RAPGEF2: variants seen among roughly 807,000 people sequenced by gnomAD.
RAPGEF2 encodes the protein PDZ domain containing guanine nucleotide exchange factor (GEF) 1.
A neutral mutation model predicts 186.7 loss-of-function variants in RAPGEF2; 54 were observed. The ratio of observed to expected loss-of-function variants is 0.29; its 90% CI spans 0.23 to 0.36. The LOEUF (loss-of-function observed/expected upper bound fraction) is 0.36. Ranked by LOEUF, RAPGEF2 falls within the 10% of genes least tolerant of loss-of-function variation. The pLI is 1.00. For synonymous variants in RAPGEF2, 712 were observed against 705.9 expected (o/e 1.01, Z -0.14); for missense variants, 1,532 against 2,045.0 (o/e 0.75, Z 4.84).
intron 1 of RAPGEF2, among the ~76,000 whole-genome samples, chr4:159,112,015 A>G (rs1738549267): frequency 1.3e-5 from 2 of 152,230 alleles, no homozygotes; most frequent in South Asian, 2.1e-4. Context: ...GGGGATCACT[A>G]ATCTGTTCCA....
Position 159,343,072 on chromosome 4 carries a change from G to A in RAPGEF2, c.3012G>A (p.Leu1004=). 6.2e-7 allele frequency: 1 copy of A among 1,614,044 alleles called. No individual in the cohort carries two copies. Among genetic ancestry groups the A allele is most frequent in the Non-Finnish European group, 8.5e-7 (1 of 1,179,960 alleles). The part of the protein sequence containing the change: ...YEKLFQDLQD[L]FDPSRNMAKY... ...AACTATTTCAAGATCTCCAAGACCT[G>A]TTTGATCCTTCCAGAAACATGGCAA... is the stretch of plus-strand genomic sequence containing the variant. Residue 1004 remains leucine (L), a synonymous_variant, in exon 21 of 30, where the codon CTG becomes CTA. Transcript: ENST00000691494.
intron 1 of RAPGEF2, among the ~76,000 whole-genome samples, chr4:159,179,330 T>A (rs1480337765): frequency 7.4e-6 from 1 of 135,396 alleles, no homozygotes; most frequent in Non-Finnish European, 1.7e-5. Context: ...AAATGGAAAT[T>A]GAGACACTCT....
chr4:159,280,383 C>T (rs1025667248), intron 7 of RAPGEF2, among the ~76,000 whole-genome samples: 2 of 152,170 alleles, frequency 1.3e-5, no homozygotes, highest in Non-Finnish European at 2.9e-5. Context: ...CTAGCCACAA[C>T]GGAGCACCCT....
intron 7 of RAPGEF2, among the ~76,000 whole-genome samples, chr4:159,253,942 C>CA (rs1020795049): frequency 3.1e-4 from 46 of 149,326 alleles, no homozygotes; most frequent in South Asian, 6.3e-4. Flanking sequence ...GACTCCGTCT[C>CA]AAAAAAAAAG....
At chr4:159,215,069 G>A (rs192870690) in intron 4 of RAPGEF2, among the ~76,000 whole-genome samples, 27 of 152,258 alleles carry the variant, frequency 1.8e-4, no homozygotes, top group African/African-American at 5.8e-4. Context: ...CACCTTGTTG[G>A]CCAGGCTGCT....
intron 1 of RAPGEF2, among the ~76,000 whole-genome samples, chr4:159,141,187 T>C (rs868564597): frequency 6.6e-6 from 1 of 152,238 alleles, no homozygotes; most frequent in Non-Finnish European, 1.5e-5. Context: ...TGTATACCAC[T>C]GTTCCAAATT....
chr4:159,351,115 T>C, intron 26 of RAPGEF2: 2 of 1,535,226 alleles, frequency 1.3e-6, no homozygotes, highest in Non-Finnish European at 1.7e-6. Context: ...CTTAACCAGT[T>C]CCTCCTCTTC....
chr4:159,110,414 C>CCTGTCTCTA (rs1475697747), intron 1 of RAPGEF2, among the ~76,000 whole-genome samples: 1 of 152,028 alleles, frequency 6.6e-6, no homozygotes, highest in African/African-American at 2.4e-5. Flanking sequence ...ATAGTGAAAC[C>CCTGTCTCTA]CTATCTCTAC....
intron 1 of RAPGEF2, among the ~76,000 whole-genome samples, chr4:159,111,986 A>C (rs1738545450): frequency 4.6e-5 from 7 of 151,510 alleles, no homozygotes. Context: ...AGCCACAGTC[A>C]CTCCCCCACC....
At chr4:159,323,914 T>C (rs1396678985) in intron 11 of RAPGEF2, among the ~76,000 whole-genome samples, 1 of 150,988 alleles carries the variant, frequency 6.6e-6, no homozygotes, top group Non-Finnish European at 1.5e-5. Flanking sequence ...GGCTTTTTTT[T>C]TTTTGAGACA....
intron 7 of RAPGEF2, among the ~76,000 whole-genome samples, chr4:159,289,211 A>G (rs1243634663): frequency 1.3e-5 from 2 of 152,152 alleles, no homozygotes; most frequent in Non-Finnish European, 2.9e-5. Context: ...GGCTTGTTAC[A>G]GGATGTCAGT....
chr4:159,141,403 T>C (rs1006192606), intron 1 of RAPGEF2, among the ~76,000 whole-genome samples: 1 of 152,298 alleles, frequency 6.6e-6, no homozygotes, highest in Non-Finnish European at 1.5e-5. Context: ...GGATACCTCA[T>C]TATTTATCTT....
At chr4:159,227,066 TA>T (rs1365300605) in intron 4 of RAPGEF2, among the ~76,000 whole-genome samples, 2 of 152,208 alleles carry the variant, frequency 1.3e-5, no homozygotes, top group African/African-American at 4.8e-5. Context: ...AAGAAATACT[TA>T]CCATTTCAAC....
intron 25 of RAPGEF2, among the ~76,000 whole-genome samples, chr4:159,348,242 A>AGATAGATAGATGGATGGATGGATGGATG (rs544061786): frequency 9.0e-5 from 13 of 144,954 alleles, no homozygotes; most frequent in African/African-American, 3.6e-4. Context: ...ATAGATAGAT[A>AGATAGATAGATGGATGGATGGATGGATG]GATGGATGGA....
rs575492956 is a variant in RAPGEF2, at chr4:159,337,629, C to T, written c.2136-682C>T. 1.4e-4 allele frequency among the ~76,000 whole-genome samples: 21 copies of T among 151,974 alleles called. 1 individual carries two copies. The highest frequency in any genetic ancestry group is 5.1e-4 in the African/African-American group (21 of 41,476). On this transcript the variant is annotated intron_variant, in intron 17 of 29. Transcript: ENST00000691494. ...GTTTGGCCGGGCGTGGTGGCTCACG[C>T]CTGTAATCCTAGCACTTTGGGAGGC...
chr4:159,220,419 T>C (rs2111401357), intron 4 of RAPGEF2, among the ~76,000 whole-genome samples: 1 of 152,284 alleles, frequency 6.6e-6, no homozygotes, highest in Non-Finnish European at 1.5e-5. Flanking sequence ...AAGCACTTCA[T>C]GCTCTTTTAT....
At chr4:159,337,414 G>A (rs896746227) in intron 17 of RAPGEF2, among the ~76,000 whole-genome samples, 14 of 152,080 alleles carry the variant, frequency 9.2e-5, no homozygotes, top group African/African-American at 3.4e-4. Context: ...ACTATTGAAG[G>A]TCAGATTATA....
chr4:159,209,450 C>T (rs1325894003), intron 3 of RAPGEF2, among the ~76,000 whole-genome samples: 1 of 152,202 alleles, frequency 6.6e-6, no homozygotes, highest in Non-Finnish European at 1.5e-5. Flanking sequence ...CCTGATCCTC[C>T]CTGCCTGTTG....
intron 8 of RAPGEF2, among the ~76,000 whole-genome samples, chr4:159,308,160 A>T (rs1419563870): frequency 6.6e-6 from 1 of 152,130 alleles, no homozygotes; most frequent in African/African-American, 2.4e-5. Flanking sequence ...AATTGCTCTA[A>T]CATAGTTGGA....
Sources: allele counts gnomAD v4.1 joint callset (sites outside exome capture counted in the v4.1 genomes callset), GRCh38; gene constraint gnomAD v4.1.1; transcripts MANE v1.5; gene names NCBI Gene and HGNC (gene_info 2026-07-23, HGNC 2026-07-21).